The following ABTB3 variants were observed in gnomAD, a reference collection of about 807,000 sequenced individuals.
ABTB3 encodes the protein ankyrin repeat- and BTB/POZ domain-containing protein 3.
the ABTB3 span, among the ~76,000 whole-genome samples, chr12:107,406,018 G>A: frequency 1.1e-4 from 16 of 152,194 alleles, no homozygotes; most frequent in African/African-American, 3.6e-4. Context: ...TTGTGGTTAC[G>A]TGGGAGCTGA....
At chr12:107,534,106 G>A in the ABTB3 span, among the ~76,000 whole-genome samples, 2 of 152,060 alleles carry the variant, frequency 1.3e-5, no homozygotes, top group Admixed American at 6.6e-5. Context: ...GGCTGAGGCA[G>A]GAGGATCACC....
the ABTB3 span, among the ~76,000 whole-genome samples, chr12:107,390,233 C>T: frequency 5.3e-5 from 8 of 152,288 alleles, no homozygotes; most frequent in South Asian, 2.1e-4. Flanking sequence ...ACCTACTGTG[C>T]GGTTTACCTA....
At chr12:107,393,093 G>A in the ABTB3 span, among the ~76,000 whole-genome samples, 6 of 152,156 alleles carry the variant, frequency 3.9e-5, no homozygotes, top group East Asian at 1.9e-4. Flanking sequence ...TGCAGCCGCC[G>A]CTGAAGAAGC....
the ABTB3 span, among the ~76,000 whole-genome samples, chr12:107,564,689 G>C: frequency 1.6e-4 from 24 of 152,120 alleles, no homozygotes; most frequent in African/African-American, 5.8e-4. Flanking sequence ...TCCTGTCCTG[G>C]GTATTAAAGA....
chr12:107,392,470 T>A, the ABTB3 span, among the ~76,000 whole-genome samples: 2 of 152,190 alleles, frequency 1.3e-5, no homozygotes, highest in African/African-American at 4.8e-5. Flanking sequence ...CTCATTCACC[T>A]TCTCCAGCCA....
the ABTB3 span, among the ~76,000 whole-genome samples, chr12:107,392,284 G>T: frequency 6.6e-6 from 1 of 152,186 alleles, no homozygotes; most frequent in Non-Finnish European, 1.5e-5. Context: ...TTTCCTGGAA[G>T]TAGAGCCCAG....
At chr12:107,640,150 T>TC in the ABTB3 span, among the ~76,000 whole-genome samples, 2 of 152,222 alleles carry the variant, frequency 1.3e-5, no homozygotes, top group Admixed American at 1.3e-4. Context: ...ACTTGACTGT[T>TC]CCTCTGATTA....
At chr12:107,359,670 C>T in the ABTB3 span, among the ~76,000 whole-genome samples, 7 of 152,118 alleles carry the variant, frequency 4.6e-5, no homozygotes, top group Non-Finnish European at 1.0e-4. Flanking sequence ...AATGATAGCT[C>T]TCAGGTTTTG....
chr12:107,432,336 A>G, the ABTB3 span, among the ~76,000 whole-genome samples: 6 of 152,184 alleles, frequency 3.9e-5, no homozygotes, highest in Non-Finnish European at 7.4e-5. Context: ...GTGTAAAGAC[A>G]CTGTGGTACA....
At chr12:107,599,398 C>T in the ABTB3 span, among the ~76,000 whole-genome samples, 1 of 152,192 alleles carries the variant, frequency 6.6e-6, no homozygotes, top group Non-Finnish European at 1.5e-5. Context: ...ACAGCAAAGA[C>T]ATGTGCTGTG....
At chr12:107,486,221 T>C in the ABTB3 span, among the ~76,000 whole-genome samples, 3 of 152,158 alleles carry the variant, frequency 2.0e-5, no homozygotes, top group Admixed American at 1.3e-4. Flanking sequence ...ATTAGTTTCT[T>C]TGAGCCCCAT....
At chr12:107,608,889 AAAAT>A in the ABTB3 span, among the ~76,000 whole-genome samples, 1,109 of 81,650 alleles carry the variant, frequency 0.014, 43 homozygotes, top group African/African-American at 0.068. Flanking sequence ...AAAATAAAAT[AAAAT>A]AAATAAAATA....
chr12:107,362,357 C>A, the ABTB3 span, among the ~76,000 whole-genome samples: 1 of 152,232 alleles, frequency 6.6e-6, no homozygotes, highest in Non-Finnish European at 1.5e-5. Context: ...AGCTTCTCTT[C>A]CCAAACTCAT....
At chr12:107,454,471 G>A in the ABTB3 span, among the ~76,000 whole-genome samples, 1 of 152,222 alleles carries the variant, frequency 6.6e-6, no homozygotes, top group African/African-American at 2.4e-5. Context: ...TGAGATAGAG[G>A]CTGATGCAGA....
At chr12:107,564,008 A>G in the ABTB3 span, among the ~76,000 whole-genome samples, 1 of 152,142 alleles carries the variant, frequency 6.6e-6, no homozygotes, top group Non-Finnish European at 1.5e-5. Flanking sequence ...TTGAAGAGAG[A>G]AACTGGAATC....
chr12:107,581,106 C>CGGGGAG, the ABTB3 span: 1 of 1,521,124 alleles, frequency 6.6e-7, no homozygotes, highest in African/African-American at 1.4e-5. Flanking sequence ...CCCCTGCCTC[C>CGGGGAG]GGGGAGGCCC....
At chr12:107,494,733 C>T in the ABTB3 span, among the ~76,000 whole-genome samples, 2 of 152,300 alleles carry the variant, frequency 1.3e-5, no homozygotes, top group South Asian at 4.1e-4. Context: ...CCCTCGCCAC[C>T]TCCCTTGGGC....
chr12:107,509,213 C>A, the ABTB3 span, among the ~76,000 whole-genome samples: 1 of 152,082 alleles, frequency 6.6e-6, no homozygotes, highest in Non-Finnish European at 1.5e-5. Flanking sequence ...AAAGGCTGAC[C>A]CCTGGGAGAG....
At chr12:107,423,314 A>G in the ABTB3 span, among the ~76,000 whole-genome samples, 1 of 152,194 alleles carries the variant, frequency 6.6e-6, no homozygotes, top group Non-Finnish European at 1.5e-5. Context: ...GAGAACTACA[A>G]TGTGCTTGAT....
Sources: allele counts gnomAD v4.1 joint callset (sites outside exome capture counted in the v4.1 genomes callset), GRCh38; gene constraint gnomAD v4.1.1; transcripts MANE v1.5; gene names NCBI Gene and HGNC (gene_info 2026-07-23, HGNC 2026-07-21).